The following MSH4 variants were observed in gnomAD, a reference collection of about 807,000 sequenced individuals.
MSH4 encodes mutS protein homolog 4.
A neutral mutation model predicts 113.7 loss-of-function variants in MSH4; 106 were observed. That is an observed-to-expected ratio of 0.93 (90% confidence interval 0.80 to 1.10). The LOEUF (loss-of-function observed/expected upper bound fraction) is 1.10, where lower values mean the gene tolerates loss of function less well. Among genes scored for constraint, MSH4 ranks in the 50% least tolerant of loss-of-function variants. The pLI, the probability that MSH4 is intolerant of heterozygous loss-of-function variation, is 0.00. For missense variants in MSH4, 1,061 were observed against 1,093.7 expected (o/e 0.97, Z 0.42); for synonymous variants, 368 against 380.2 (o/e 0.97, Z 0.37).
chr1:75,832,880 A>T (rs1461611491), intron 7 of MSH4, among the ~76,000 whole-genome samples: 1 of 152,212 alleles, frequency 6.6e-6, no homozygotes, highest in African/African-American at 2.4e-5. Context: ...GGCACAAGAC[A>T]GGGATGCCCT....
chr1:75,807,834 G>A (rs5745336), intron 3 of MSH4, among the ~76,000 whole-genome samples: 32,954 of 152,004 alleles, frequency 0.22, 3,793 homozygotes, highest in Middle Eastern at 0.31. Context: ...TGGACTAGGC[G>A]GTGAAAATCT....
At chr1:75,844,778 C>T (rs1039938536) in intron 7 of MSH4, among the ~76,000 whole-genome samples, 8 of 152,170 alleles carry the variant, frequency 5.3e-5, no homozygotes, top group Non-Finnish European at 1.0e-4. Context: ...ACATGCAAGA[C>T]ACTTTACACA....
rs140729367 is a variant in MSH4, at chr1:75,847,571, C to T, written c.1163-638C>T. On this transcript the variant is annotated intron_variant, in intron 7 of 19. Transcript: ENST00000263187. ...TGAGGCTGGGTAATTTACGAAGAAA[C>T]GAGTTTATTTGGGTCACAATTCCAG... is the stretch of plus-strand genomic sequence containing the variant. Among the ~76,000 whole-genome samples, 42 of 152,168 alleles carry T rather than the reference C, an allele frequency of 2.8e-4. 1 individual carries two copies. Among genetic ancestry groups the T allele is most frequent in the African/African-American group, 9.6e-4 (40 of 41,506 alleles).
At chr1:75,827,615 T>G (rs1195258470) in intron 7 of MSH4, among the ~76,000 whole-genome samples, 1 of 140,656 alleles carries the variant, frequency 7.1e-6, no homozygotes, top group Non-Finnish European at 1.5e-5. Flanking sequence ...AAGACACACA[T>G]AGGCTCAAAA....
intron 15 of MSH4, among the ~76,000 whole-genome samples, chr1:75,884,101 T>TA (rs1301860657): frequency 1.3e-5 from 2 of 152,196 alleles, no homozygotes; most frequent in Non-Finnish European, 2.9e-5. Flanking sequence ...CATCAAATAT[T>TA]ACTAAATTGA....
intron 3 of MSH4, among the ~76,000 whole-genome samples, chr1:75,809,406 A>C (rs1650137656): frequency 6.6e-6 from 1 of 152,036 alleles, no homozygotes; most frequent in Non-Finnish European, 1.5e-5. Flanking sequence ...ATCTGTAGGT[A>C]TTTTATACAT....
intron 7 of MSH4, among the ~76,000 whole-genome samples, chr1:75,842,735 C>T (rs1415139647): frequency 6.6e-6 from 1 of 152,116 alleles, no homozygotes; most frequent in Non-Finnish European, 1.5e-5. Context: ...GGAGGACGCC[C>T]GTTGCCAGGC....
At chr1:75,812,145 G>A (rs1570942885) in intron 4 of MSH4, among the ~76,000 whole-genome samples, 1 of 152,020 alleles carries the variant, frequency 6.6e-6, no homozygotes, top group Non-Finnish European at 1.5e-5. Context: ...ACTACCTTAT[G>A]CAAAAAAGGA....
intron 19 of MSH4, among the ~76,000 whole-genome samples, chr1:75,904,490 G>A (rs1557533016): frequency 6.6e-6 from 1 of 151,190 alleles, no homozygotes; most frequent in African/African-American, 2.4e-5. Context: ...AAGTCATCAG[G>A]TACTGGCTTT....
chr1:75,797,292 G>A (rs932528535), intron 1 of MSH4, 63 bp downstream of exon 1: 8 of 1,527,912 alleles, frequency 5.2e-6, no homozygotes, highest in Non-Finnish European at 7.0e-6. Flanking sequence ...ATGGAGGCTC[G>A]GGGGCACGTG....
intron 19 of MSH4, among the ~76,000 whole-genome samples, chr1:75,909,345 T>C (rs905894021): frequency 3.9e-5 from 6 of 152,124 alleles, no homozygotes; most frequent in African/African-American, 1.4e-4. Context: ...CATTTCAGCC[T>C]CAGATTTGGC....
chr1:75,825,305 A>G (rs9726743), intron 7 of MSH4, among the ~76,000 whole-genome samples: 32,949 of 151,966 alleles, frequency 0.22, 3,784 homozygotes, highest in Middle Eastern at 0.31. Context: ...ATTTTTGCAC[A>G]TTAATTTTGT....
chr1:75,806,225 T>G (rs1177652874), intron 2 of MSH4, among the ~76,000 whole-genome samples: 1 of 147,444 alleles, frequency 6.8e-6, no homozygotes, highest in Non-Finnish European at 1.5e-5. Context: ...TTTGATGACT[T>G]TTCTGTTTGG....
At chr1:75,854,945 T>C (rs1347334758) in intron 8 of MSH4, among the ~76,000 whole-genome samples, 1 of 152,202 alleles carries the variant, frequency 6.6e-6, no homozygotes, top group Non-Finnish European at 1.5e-5. Flanking sequence ...TTTTTACTTA[T>C]GAATAGCATA....
chr1:75,847,334 A>T (rs1570964970), intron 7 of MSH4, among the ~76,000 whole-genome samples: 1 of 152,190 alleles, frequency 6.6e-6, no homozygotes, highest in African/African-American at 2.4e-5. Flanking sequence ...CATTTAAAAG[A>T]TGAGAACAGC....
At chr1:75,808,874 T>C (rs2100508015) in intron 3 of MSH4, among the ~76,000 whole-genome samples, 1 of 152,334 alleles carries the variant, frequency 6.6e-6, no homozygotes, top group African/African-American at 2.4e-5. Context: ...ATTTGCATGA[T>C]CTATCAGGTA....
intron 7 of MSH4, among the ~76,000 whole-genome samples, chr1:75,834,825 T>C (rs955722715): frequency 6.6e-6 from 1 of 151,580 alleles, no homozygotes; most frequent in Non-Finnish European, 1.5e-5. Context: ...TATTTGTAAA[T>C]GAGGAGTTAA....
At chr1:75,806,661 A>G (rs1194899097) in intron 2 of MSH4, among the ~76,000 whole-genome samples, 1 of 152,114 alleles carries the variant, frequency 6.6e-6, no homozygotes, top group Non-Finnish European at 1.5e-5. Context: ...GATATTTTGT[A>G]GGACAGCCTT....
intron 7 of MSH4, among the ~76,000 whole-genome samples, chr1:75,824,296 A>G (rs1650496219): frequency 6.6e-6 from 1 of 152,084 alleles, no homozygotes; most frequent in Admixed American, 6.5e-5. Flanking sequence ...GTCTGTTCAT[A>G]TCCTCTGCCC....
Sources: allele counts gnomAD v4.1 joint callset (sites outside exome capture counted in the v4.1 genomes callset), GRCh38; gene constraint gnomAD v4.1.1; transcripts MANE v1.5; gene names NCBI Gene and HGNC (gene_info 2026-07-23, HGNC 2026-07-21).